Variants in RALGDS observed in about 807,000 individuals in gnomAD.
The protein encoded by RALGDS is ral guanine nucleotide exchange factor.
RALGDS carries 44 observed loss-of-function variants against 99.8 expected under a neutral mutation model. That is an observed-to-expected ratio of 0.44 (90% confidence interval 0.35 to 0.57). The LOEUF (loss-of-function observed/expected upper bound fraction) is 0.57. Among genes scored for constraint, RALGDS ranks in the 20% least tolerant of loss-of-function variants. The pLI, the probability that RALGDS is intolerant of heterozygous loss-of-function variation, is 0.01. For synonymous variants in RALGDS, 529 were observed against 505.0 expected (o/e 1.05, Z -0.64); for missense variants, 1,022 against 1,203.1 (o/e 0.85, Z 2.23).
intron 1 of RALGDS, among the ~76,000 whole-genome samples, chr9:133,128,437 G>A (rs1423525400): frequency 1.3e-5 from 2 of 152,050 alleles, no homozygotes; most frequent in African/African-American, 4.8e-5. Flanking sequence ...AGGCAGCAAC[G>A]TCTATCCCAC....
rs1831914758 is a variant in RALGDS, at chr9:133,121,123, C to G, written c.32G>C (p.Gly11Ala). MVQRMWAEAAGPAGGAEPLFP... is the reference protein window; with the variant it reads MVQRMWAEAAAPAGGAEPLFP... ...CAGCGGCTCGGCGCCGCCAGCAGGC[C>G]CGGCCGCCTCGGCCCACATGCGCTG... The change falls in exon 1 of 18, where the codon GGG becomes GCG. Residue 11 changes from glycine (G) to alanine (A), a missense_variant. By Grantham distance (60) the Gly-to-Ala change is moderately conservative. Transcript: ENST00000372050. 6.9e-7 allele frequency: 1 copy of G among 1,459,144 alleles called. No homozygotes were observed. Among genetic ancestry groups the G allele is most frequent in the Non-Finnish European group, 9.0e-7 (1 of 1,110,456 alleles). 90.4% of individuals were successfully genotyped at this position (1,459,144 alleles called of 1,614,324 possible). A position where few individuals can be genotyped will look rare whatever the true frequency, so the allele number is the denominator to read the frequency against.
chr9:133,135,000 T>G (rs1832402652), upstream of RALGDS, among the ~76,000 whole-genome samples: 1 of 152,114 alleles, frequency 6.6e-6, no homozygotes, highest in East Asian at 1.9e-4. Flanking sequence ...TTTATGACTT[T>G]TCATAAAGAG....
Position 133,102,862 on chromosome 9 carries a change from C to T in RALGDS, c.1830G>A (p.Ser610=), listed in dbSNP as rs1466061009. 2.5e-5 allele frequency: 41 copies of T among 1,613,618 alleles called. No homozygotes were observed. The highest frequency in any genetic ancestry group is 4.5e-5 in the East Asian group (2 of 44,878). ...EVIAQIKLLQ[S]ACNNYSIAPD... ...GCGCGATGCTGTAGTTGTTGCAGGC[C>T]GACTGCAGCAGCTTGATCTGGGCGA... The change falls in exon 13 of 18, where the codon TCG becomes TCA. Residue 610 remains serine (S), a synonymous_variant. Coordinates refer to ENST00000372050, the MANE Select transcript of RALGDS (RefSeq NM_006266.4).
Position 133,128,790 on chromosome 9 carries a change from A to C in RALGDS, c.132+2162T>G, listed in dbSNP as rs552660356. 2.6e-5 allele frequency among the ~76,000 whole-genome samples: 4 copies of C among 152,296 alleles called. No homozygotes were observed. In the East Asian group the frequency reaches 7.7e-4, roughly 29 times the overall value. On this transcript the variant is annotated intron_variant, in intron 1 of 17. Coordinates refer to the RALGDS transcript ENST00000372062. The stretch of plus-strand genomic sequence containing the variant: ...CATAGCACCAGCTCTCAGGCTTCTC[A>C]GGGGAGCAGACAGTGAAGCAGTGCA...
Position 133,101,589 on chromosome 9 carries a change from C to T in RALGDS, c.2385G>A (p.Gln795=), listed in dbSNP as rs78318344. The change falls in exon 16 of 18, where the codon CAG becomes CAA. Residue 795 remains glutamine, a synonymous_variant. Coordinates refer to ENST00000372050, the MANE Select transcript of RALGDS (RefSeq NM_006266.4). ...CGCGGATGATACAGCAGTCGCCCAC[C>T]TGCTGGTTGTAGAGCGGCAGCGCGG... is the stretch of plus-strand genomic sequence containing the variant. ...SSSALPLYNQ[Q]VGDCCIIRVS... The T allele has an allele frequency of 4.9e-3, 7,843 of 1,612,878 alleles. 205 individuals carry two copies. The South Asian group carries it at 0.05, about 10-fold the overall frequency.
chr9:133,134,643 C>T (rs1035637861), upstream of RALGDS, among the ~76,000 whole-genome samples: 8 of 152,132 alleles, frequency 5.3e-5, no homozygotes, highest in Admixed American at 2.0e-4. Context: ...ACAGACTTGA[C>T]GCTGCTGGGA....
At position 133,109,676 on chromosome 9, in the gene RALGDS, G is replaced by A. The variant is rs747776675; in HGVS notation, c.534C>T (p.Cys178=). ...DALTASSRYG[C]ILPYSDEDGG... is the part of the protein sequence containing the mutation. The stretch of plus-strand genomic sequence containing the variant: ...CATCCTCGTCGGAATAGGGGAGGAT[G>A]CAGCCGTATCTAGAGGAGGCCGTGA... The change falls in exon 4 of 18, where the codon TGC becomes TGT. Residue 178 remains cysteine (C), a synonymous_variant. Coordinates refer to ENST00000372050, the MANE Select transcript of RALGDS (RefSeq NM_006266.4). The A allele has an allele frequency of 1.2e-6, 2 of 1,613,840 alleles. No homozygotes were observed. Among genetic ancestry groups the A allele is most frequent in the Non-Finnish European group, 1.7e-6 (2 of 1,179,962 alleles).
At chr9:133,102,758 C>A in intron 13 of RALGDS, 21 bp downstream of exon 13, 2 of 1,608,962 alleles carry the variant, frequency 1.2e-6, no homozygotes, top group Non-Finnish European at 1.7e-6. Context: ...CCACTGTCCC[C>A]ATTTGCTGCC....
chr9:133,120,854 G>A (rs1057372442), intron 1 of RALGDS, 118 bp downstream of exon 1: 5 of 1,166,116 alleles, frequency 4.3e-6, no homozygotes, highest in South Asian at 2.0e-5. Context: ...GGAGAGAGGA[G>A]GGAGGCGGCC....
At chr9:133,115,401 G>C (rs1234854179) in intron 1 of RALGDS, among the ~76,000 whole-genome samples, 1 of 152,164 alleles carries the variant, frequency 6.6e-6, no homozygotes, top group Non-Finnish European at 1.5e-5. Flanking sequence ...AAAGGCTCAC[G>C]GCAGAGCCTC....
chr9:133,119,869 T>C (rs1831826858), intron 1 of RALGDS, among the ~76,000 whole-genome samples: 1 of 151,752 alleles, frequency 6.6e-6, no homozygotes, highest in African/African-American at 2.4e-5. Flanking sequence ...CCAGGCCCTG[T>C]CTAGGTACCG....
intron 1 of RALGDS, among the ~76,000 whole-genome samples, chr9:133,138,727 C>T (rs1478171895): frequency 6.6e-6 from 1 of 152,198 alleles, no homozygotes; most frequent in Non-Finnish European, 1.5e-5. Context: ...CTCTGCCTCC[C>T]AGGTTCAAGC....
At position 133,110,326 on chromosome 9, in the gene RALGDS, G is replaced by A; in HGVS notation, c.458C>T (p.Thr153Ile). 2.5e-6 allele frequency: 4 copies of A among 1,613,948 alleles called. No homozygotes were observed. The highest frequency in any genetic ancestry group is 3.4e-6 in the Non-Finnish European group (4 of 1,180,012). The change falls in exon 3 of 18, where the codon ACC becomes ATC. Residue 153 changes from threonine to isoleucine, a missense_variant. Transcript: ENST00000372050. ...FLCTYRAFTT[T>I]QQVLDLLFKR... The stretch of plus-strand genomic sequence containing the variant: ...GAACAGCAGGTCCAGGACCTGTTGG[G>A]TGGTGGTGAAGGCTCTATAGGTACA...
rs746495120 is a variant in RALGDS at position 133,097,799 on chromosome 9, A to T, written c.*788T>A. 2 of 224,440 alleles carry T rather than the reference A, an allele frequency of 8.9e-6. 1 individual carries two copies. Among genetic ancestry groups the T allele is most frequent in the Admixed American group, 1.1e-4 (2 of 17,440 alleles). 13.9% of individuals were successfully genotyped at this position (224,440 alleles called of 1,614,324 possible). A position where few individuals can be genotyped will look rare whatever the true frequency, so the allele number is the denominator to read the frequency against. ...AACAAATAAATATTGCCCCTCCCCA[A>T]TCAGTAAACAAACATTTTTTTTTTC... On this transcript the variant is annotated 3_prime_UTR_variant, in exon 18 of 18. Coordinates refer to ENST00000372050, the MANE Select transcript of RALGDS (RefSeq NM_006266.4).
chr9:133,101,511 C>G lies in RALGDS; in HGVS notation c.2454+9G>C. 6.2e-7 allele frequency: 1 copy of G among 1,611,370 alleles called. No individual in the cohort carries two copies. Among genetic ancestry groups the G allele is most frequent in the Non-Finnish European group, 8.5e-7 (1 of 1,179,870 alleles). ...GAGGGAGGCACCCAGGCCACCCCCG[C>G]CGGCTTACCAGGATGCTCTTGTACA... On this transcript the variant is annotated intron_variant, in intron 16 of 17. Coordinates refer to ENST00000372050, the MANE Select transcript of RALGDS (RefSeq NM_006266.4).
chr9:133,113,864 T>C (rs1831467672), intron 1 of RALGDS, among the ~76,000 whole-genome samples: 1 of 152,136 alleles, frequency 6.6e-6, no homozygotes, highest in African/African-American at 2.4e-5. Context: ...TCACCGGCAG[T>C]GGCTCTGAGA....
At chr9:133,101,362 T>G in intron 16 of RALGDS, 158 bp downstream of exon 16, 1 of 1,528,838 alleles carries the variant, frequency 6.5e-7, no homozygotes, top group Non-Finnish European at 8.9e-7. Context: ...GCCAGCCTTG[T>G]CCCTGATCAC....
chr9:133,147,450 C>T (rs1832640795), intron 1 of RALGDS, among the ~76,000 whole-genome samples: 1 of 152,190 alleles, frequency 6.6e-6, no homozygotes, highest in South Asian at 2.1e-4. Flanking sequence ...CTTTCAGAGC[C>T]ACACCCAAGC....
At position 133,107,310 on chromosome 9, in the gene RALGDS, A is replaced by G. The variant is rs1277737370; in HGVS notation, c.1198-10T>C. On this transcript the variant is annotated splice_polypyrimidine_tract_variant and intron_variant, in intron 6 of 17. Coordinates refer to ENST00000372050, the MANE Select transcript of RALGDS (RefSeq NM_006266.4). ...CCTTCTTGAACAGTTCCTGGGGAGGAGGCTAAATGTCACCTGGTCCTGCCC... is the reference window on the plus strand; with the variant it reads ...CCTTCTTGAACAGTTCCTGGGGAGGGGGCTAAATGTCACCTGGTCCTGCCC... 2 of 1,607,398 alleles carry G rather than the reference A, an allele frequency of 1.2e-6. No individual in the cohort carries two copies. The highest frequency in any genetic ancestry group is 1.7e-6 in the Non-Finnish European group (2 of 1,175,552).
Sources: gnomAD v4.1 joint callset for allele counts (sites outside exome capture counted in the v4.1 genomes callset) on GRCh38, gnomAD v4.1.1 for gene constraint, MANE v1.5 for transcripts, NCBI Gene and HGNC (gene_info 2026-07-23, HGNC 2026-07-21) for gene names.